UBA3: variants seen among roughly 807,000 people sequenced by gnomAD.
UBA3 encodes NEDD8-activating enzyme E1 catalytic subunit.
In UBA3, 26 loss-of-function variants were observed where a neutral mutation model predicts 73.5. That is an observed-to-expected ratio of 0.35 (90% confidence interval 0.26 to 0.49). The LOEUF is 0.49. UBA3 is among the 20% of genes least tolerant of loss of function. UBA3 has a pLI of 0.98. For synonymous variants in UBA3, 217 were observed against 191.2 expected (o/e 1.13, Z -1.11); for missense variants, 495 against 555.6 (o/e 0.89, Z 1.10).
At chr3:69,075,020 A>T (rs1364963796) in intron 4 of UBA3, 1 of 152,980 alleles carries the variant, frequency 6.5e-6, no homozygotes, top group Non-Finnish European at 1.5e-5. Flanking sequence ...TCTATATAAA[A>T]TGGGGTAATG....
intron 11 of UBA3, among the ~76,000 whole-genome samples, chr3:69,057,581 T>C (rs181964501): frequency 1.8e-3 from 267 of 152,266 alleles, no homozygotes; most frequent in Non-Finnish European, 1.7e-3. Flanking sequence ...CAATTTAGAG[T>C]ATTATGTTCC....
chr3:69,060,212 AATACAT>A (rs992663384), intron 11 of UBA3, among the ~76,000 whole-genome samples: 2 of 152,198 alleles, frequency 1.3e-5, no homozygotes, highest in African/African-American at 4.8e-5. Context: ...AAGTTGGCAG[AATACAT>A]ATAAAGAGAG....
At chr3:69,068,059 T>C (rs1290362417) in intron 5 of UBA3, 51 bp from the exon 6 acceptor site, 1 of 1,165,172 alleles carries the variant, frequency 8.6e-7, no homozygotes, top group Non-Finnish European at 1.2e-6. Context: ...CTATATGATC[T>C]ACATAACTTA....
intron 14 of UBA3, 83 bp downstream of exon 14, chr3:69,056,529 G>T: frequency 8.2e-7 from 1 of 1,213,506 alleles, no homozygotes; most frequent in Non-Finnish European, 1.2e-6. Context: ...AAAATGTATG[G>T]GTGACTTTGT....
chr3:69,068,562 G>C (rs1405308412), intron 5 of UBA3, among the ~76,000 whole-genome samples: 1 of 135,140 alleles, frequency 7.4e-6, no homozygotes, highest in Non-Finnish European at 1.6e-5. Context: ...AAAAAAAAAA[G>C]AGGCTGTAAC....
intron 17 of UBA3, 114 bp from the exon 18 acceptor site, chr3:69,055,639 C>A: frequency 1.1e-6 from 1 of 909,766 alleles, no homozygotes; most frequent in Non-Finnish European, 1.7e-6. Context: ...AAATCCAATC[C>A]TCTTTAATCA....
At chr3:69,062,917 TAATA>T (rs1198588073) in intron 9 of UBA3, 61 bp downstream of exon 9, 5 of 1,568,368 alleles carry the variant, frequency 3.2e-6, no homozygotes, top group Non-Finnish European at 4.3e-6. Context: ...TAACTAGACT[TAATA>T]ATTAATCCCT....
Position 69,075,961 on chromosome 3 carries a change from C to T in UBA3, c.184-451G>A, listed in dbSNP as rs552361386. Among the ~76,000 whole-genome samples, 4 of 152,192 alleles carry T rather than the reference C, an allele frequency of 2.6e-5. No homozygotes were observed. The East Asian group carries it at 7.8e-4, about 30-fold the overall frequency. On this transcript the variant is annotated intron_variant, in intron 3 of 17. Coordinates refer to ENST00000361055, the MANE Select transcript of UBA3 (RefSeq NM_003968.4). ...GGCCAGACTGGCCTTGAACTCCTGACCTCAAGTGATCCGCCCGCCTCAGCC... is the reference window on the plus strand; with the variant it reads ...GGCCAGACTGGCCTTGAACTCCTGATCTCAAGTGATCCGCCCGCCTCAGCC...
chr3:69,077,967 C>T, intron 2 of UBA3, 49 bp from the exon 3 acceptor site: 1 of 1,603,726 alleles, frequency 6.2e-7, no homozygotes, highest in Non-Finnish European at 8.5e-7. Flanking sequence ...ATGAAAAAAA[C>T]CACACCTACA....
rs371282496 is a variant in UBA3 at position 69,062,217 on chromosome 3, C to T, written c.694-38G>A. The T allele has an allele frequency of 2.8e-4, 375 of 1,356,822 alleles. No homozygotes were observed. In the African/African-American group the frequency reaches 4.2e-3, roughly 15 times the overall value. The allele number at this position is 1,356,822 out of a possible 1,614,324, so 84.0% of individuals were successfully genotyped here. On this transcript the variant is annotated intron_variant, in intron 9 of 17. Transcript: ENST00000361055. Reference sequence around the variant, plus strand: ...TTTGTCCTTTTCAGTGAATTTTAAACGAATTATTTTAAAATGCAACTTCCA... The same window carrying T: ...TTTGTCCTTTTCAGTGAATTTTAAATGAATTATTTTAAAATGCAACTTCCA...
rs1165899409 is a variant in UBA3, at chr3:69,077,917, T to C, written c.64A>G (p.Met22Val). The C allele has an allele frequency of 6.2e-7, 1 of 1,613,694 alleles. No individual in the cohort carries two copies. The highest frequency in any genetic ancestry group is 8.5e-7 in the Non-Finnish European group (1 of 1,179,962). The stretch of plus-strand genomic sequence containing the variant: ...TCCCCACACCCACCATCAACAGCCA[T>C]TCTGCACAGAACACAGTAAATTCAG... ...RRIEELLAEKMAVDGGCGDTG... is the reference protein window; with the variant it reads ...RRIEELLAEKVAVDGGCGDTG... The change falls in exon 3 of 18, where the codon ATG becomes GTG. Residue 22 changes from methionine to valine, a missense_variant and splice_region_variant. Transcript: ENST00000361055.
chr3:69,055,585 AC>A, intron 17 of UBA3, 60 bp from the exon 18 acceptor site: 1 of 1,271,358 alleles, frequency 7.9e-7, no homozygotes, highest in Non-Finnish European at 1.1e-6. Context: ...AGGATAATAC[AC>A]ATGTAAACAA....
intron 3 of UBA3, chr3:69,077,569 G>C: frequency 2.4e-6 from 1 of 412,640 alleles, no homozygotes; most frequent in Non-Finnish European, 4.2e-6. Flanking sequence ...CATGAAGTTA[G>C]ATTTTTCTCA....
At chr3:69,072,122 G>T (rs1338939410) in intron 4 of UBA3, among the ~76,000 whole-genome samples, 1 of 152,090 alleles carries the variant, frequency 6.6e-6, no homozygotes, top group Non-Finnish European at 1.5e-5. Flanking sequence ...TATCTTAAAA[G>T]ATATTGAATC....
rs201168637 is a variant in UBA3 at position 69,059,443 on chromosome 3, C to CA, written c.911-2135dup. Among the ~76,000 whole-genome samples, 582 of 151,554 alleles carry CA rather than the reference C, an allele frequency of 3.8e-3. 3 individuals carry two copies. Among genetic ancestry groups the CA allele is most frequent in the South Asian group, 9.6e-3 (46 of 4,814 alleles). Reference sequence around the variant, plus strand: ...CCATTAATCAGTTCTGAGCAATTACCAAAAAAAATAGAATGGTGAATGGCT... The same window carrying CA: ...CCATTAATCAGTTCTGAGCAATTACCAAAAAAAAATAGAATGGTGAATGGCT... On this transcript the variant is annotated intron_variant, in intron 11 of 17. Coordinates refer to ENST00000361055, the MANE Select transcript of UBA3 (RefSeq NM_003968.4).
At position 69,064,100 on chromosome 3, in the gene UBA3, T is replaced by G; in HGVS notation, c.440A>C (p.Lys147Thr). Residue 147 changes from lysine (K) to threonine (T), a missense_variant, in exon 7 of 18, where the codon AAG (lysine) becomes ACG (threonine). Physicochemically the swap from Lys to Thr is moderately conservative, Grantham distance 78. Transcript: ENST00000361055. ...PNCNVVPHFN[K>T]IQDFNDTFYR... ...GAAAGTGTCGTTAAAATCTTGAATC[T>G]TGTTGAAATGTCTGAATACAAGTAA... The G allele has an allele frequency of 1.9e-6, 3 of 1,603,902 alleles. No homozygotes were observed. The highest frequency in any genetic ancestry group is 2.6e-6 in the Non-Finnish European group (3 of 1,176,454).
In UBA3 at chr3:69,063,267, T is replaced by A. The variant is rs1159580335; in HGVS notation, c.538-130A>T. On this transcript the variant is annotated intron_variant, in intron 8 of 17. Transcript: ENST00000361055. ...AATGTATCAAATCAAGGGATTATAA[T>A]AACAATTTGTGTCTTCACCTGAAAA... 2.3e-6 allele frequency: 3 copies of A among 1,311,416 alleles called. No individual in the cohort carries two copies. In the South Asian group the frequency reaches 4.1e-5, roughly 18 times the overall value. The allele number at this position is 1,311,416 out of a possible 1,614,324, so 81.2% of individuals were successfully genotyped here. A position where few individuals can be genotyped will look rare whatever the true frequency, so the allele number is the denominator to read the frequency against.
At chr3:69,067,831 TCCC>T in intron 6 of UBA3, 94 bp downstream of exon 6, 1 of 849,490 alleles carries the variant, frequency 1.2e-6, no homozygotes, top group Admixed American at 2.9e-5. Flanking sequence ...TGACTTTTTT[TCCC>T]TCTTGCTTAT....
intron 6 of UBA3, among the ~76,000 whole-genome samples, chr3:69,064,711 G>A (rs982295332): frequency 1.3e-5 from 2 of 152,080 alleles, no homozygotes; most frequent in Non-Finnish European, 2.9e-5. Flanking sequence ...CCCATCCCTG[G>A]AGGCTAAAAA....
Sources: allele counts gnomAD v4.1 joint callset (sites outside exome capture counted in the v4.1 genomes callset), GRCh38; gene constraint gnomAD v4.1.1; transcripts MANE v1.5; gene names NCBI Gene and HGNC (gene_info 2026-07-23, HGNC 2026-07-21).